ACAD9: variants seen among roughly 807,000 people sequenced by gnomAD.
The protein encoded by ACAD9 is acyl-CoA dehydrogenase family member 9, also known as complex I assembly factor ACAD9, mitochondrial.
ACAD9 carries 53 observed loss-of-function variants against 70.2 expected under a neutral mutation model. The observed-to-expected ratio is 0.75, with a 90% CI of 0.61 to 0.95. The LOEUF (loss-of-function observed/expected upper bound fraction) is 0.95. Ranked by LOEUF, ACAD9 falls within the 40% of genes least tolerant of loss-of-function variation. ACAD9 has a pLI of 0.00. For missense variants in ACAD9, 777 were observed against 802.8 expected (o/e 0.97, Z 0.39); for synonymous variants, 313 against 312.1 (o/e 1.00, Z -0.03).
At position 128,897,709 on chromosome 3, in the gene ACAD9, A is replaced by C. The variant is rs1257611357; in HGVS notation, c.632A>C (p.Lys211Thr). The C allele has an allele frequency of 6.2e-7, 1 of 1,613,134 alleles. No individual in the cohort carries two copies. The highest frequency in any genetic ancestry group is 1.3e-5 in the African/African-American group (1 of 74,904). The change falls in exon 6 of 18, where the codon AAG becomes ACG. Residue 211 changes from lysine to threonine, a missense_variant and splice_region_variant. Coordinates refer to ENST00000308982, the MANE Select transcript of ACAD9 (RefSeq NM_014049.5). The stretch of plus-strand genomic sequence containing the variant: ...AAGCACTACATCCTCAATGGCTCCA[A>C]GGTAGGGTTCCTTCCCCATGGCCAC... The part of the protein sequence containing the change: ...DKKHYILNGS[K>T]VWITNGGLAN...
Position 128,880,120 on chromosome 3 carries a change from C to T in ACAD9, c.150+279C>T, listed in dbSNP as rs1576326223. 2.0e-5 allele frequency: 22 copies of T among 1,105,510 alleles called. No individual in the cohort carries two copies. The East Asian group carries it at 7.0e-4, about 35-fold the overall frequency. The allele number at this position is 1,105,510 out of a possible 1,614,324, so 68.5% of individuals were successfully genotyped here. On this transcript the variant is annotated intron_variant, in intron 1 of 17. Transcript: ENST00000308982. The stretch of plus-strand genomic sequence containing the variant: ...GGAAAACTCTAGGCTAGGTAATTAA[C>T]AAAGCAGCCTTCATCTCAGCTGGTC...
At chr3:128,903,729 C>T (rs548861492) in intron 9 of ACAD9, among the ~76,000 whole-genome samples, 284 of 152,338 alleles carry the variant, frequency 1.9e-3, no homozygotes, top group Non-Finnish European at 3.1e-3. Context: ...CTCCCCCTTC[C>T]ACCTGGTTGC....
intron 3 of ACAD9, among the ~76,000 whole-genome samples, chr3:128,894,156 A>C (rs1391937551): frequency 6.6e-6 from 1 of 152,150 alleles, no homozygotes; most frequent in Non-Finnish European, 1.5e-5. Flanking sequence ...GACCACACAC[A>C]TGTGTGCCAT....
At chr3:128,910,541 T>C (rs1353650914) in intron 16 of ACAD9, among the ~76,000 whole-genome samples, 200 bp from the exon 17 acceptor site, 6 of 152,098 alleles carry the variant, frequency 3.9e-5, no homozygotes, top group South Asian at 2.1e-4. Context: ...GGAAACAGGG[T>C]CAGAGATGTT....
intron 1 of ACAD9, among the ~76,000 whole-genome samples, chr3:128,883,599 G>A (rs1261758297): frequency 6.6e-6 from 1 of 151,768 alleles, no homozygotes; most frequent in Non-Finnish European, 1.5e-5. Flanking sequence ...CTCGTGATCC[G>A]CCCGCCTCGG....
chr3:128,889,093 T>C (rs998819330), intron 2 of ACAD9, among the ~76,000 whole-genome samples: 1 of 152,098 alleles, frequency 6.6e-6, no homozygotes, highest in African/African-American at 2.4e-5. Flanking sequence ...ATACTTACCA[T>C]TGTGTTACAG....
At chr3:128,899,175 G>A (rs1351251321) in intron 6 of ACAD9, 112 bp from the exon 7 acceptor site, 1 of 1,129,456 alleles carries the variant, frequency 8.9e-7, no homozygotes, top group African/African-American at 1.5e-5. Context: ...CAAGGACCCT[G>A]CATGTCTGGC....
rs199739835 is a variant in ACAD9 at position 128,910,088 on chromosome 3, C to T, written c.1631C>T (p.Thr544Met). 6.4e-5 allele frequency: 104 copies of T among 1,613,784 alleles called. No individual in the cohort carries two copies. Among genetic ancestry groups the T allele is most frequent in the Admixed American group, 1.0e-4 (6 of 59,976 alleles). Reference protein sequence around the residue: ...ANILINLYGMTAVLSRASRSI... With the variant: ...ANILINLYGMMAVLSRASRSI... ...ATCCTCATCAACCTGTATGGCATGA[C>T]GGCCGTGCTGTCGCGGGCCAGCCGC... Residue 544 changes from threonine to methionine, a missense_variant, in exon 16 of 18, where the codon ACG becomes ATG. Transcript: ENST00000308982.
At chr3:128,899,553 T>A in intron 7 of ACAD9, 92 bp downstream of exon 7, 1 of 1,333,826 alleles carries the variant, frequency 7.5e-7, no homozygotes. Context: ...TGTGTGTGTG[T>A]GTGTGTGTGT....
In ACAD9 at chr3:128,910,735, T is replaced by C. The variant is rs1936197167; in HGVS notation, c.1693-6T>C. The C allele has an allele frequency of 6.2e-7, 1 of 1,614,124 alleles. No individual in the cohort carries two copies. Among genetic ancestry groups the C allele is most frequent in the African/African-American group, 1.3e-5 (1 of 74,948 alleles). ...GGCATATCTTTTCTGTCCTCGGTTC[T>C]GGCAGGTTCTCTTGGCCAACACCTT... On this transcript the variant is annotated splice_polypyrimidine_tract_variant and splice_region_variant and intron_variant, in intron 16 of 17. Coordinates refer to ENST00000308982, the MANE Select transcript of ACAD9 (RefSeq NM_014049.5).
chr3:128,905,155 A>C (rs1170418476), intron 11 of ACAD9, among the ~76,000 whole-genome samples: 1 of 151,742 alleles, frequency 6.6e-6, no homozygotes, highest in South Asian at 2.1e-4. Context: ...TCTCAAAAAA[A>C]AACAAAAAAC....
intron 2 of ACAD9, among the ~76,000 whole-genome samples, chr3:128,890,089 G>C (rs1457337005): frequency 6.6e-6 from 1 of 152,086 alleles, no homozygotes; most frequent in Non-Finnish European, 1.5e-5. Flanking sequence ...GCCTCTTAAA[G>C]TGTTGGGATT....
In ACAD9 at chr3:128,902,649, G is replaced by C; in HGVS notation, c.958+21G>C. On this transcript the variant is annotated intron_variant, in intron 9 of 17. Coordinates refer to ENST00000308982, the MANE Select transcript of ACAD9 (RefSeq NM_014049.5). This position sits in a 1 kb window ranked among gnomAD's most constrained non-coding sequence, Gnocchi z 4.0. ...GATTGGTAGGTAAGTTAGGGACAAG[G>C]CCCTTTGTGCCCCACCCCCTGCTGC... The C allele has an allele frequency of 6.2e-7, 1 of 1,613,230 alleles. No individual in the cohort carries two copies. Among genetic ancestry groups the C allele is most frequent in the Non-Finnish European group, 8.5e-7 (1 of 1,179,218 alleles).
At chr3:128,899,523 G>GGGGTGT (rs762953417) in intron 7 of ACAD9, 62 bp downstream of exon 7, 215 of 1,068,802 alleles carry the variant, frequency 2.0e-4, no homozygotes, top group African/African-American at 5.3e-4. Flanking sequence ...GGCCTTTGAC[G>GGGGTGT]GTGTGTGTGT....
intron 17 of ACAD9, among the ~76,000 whole-genome samples, chr3:128,911,594 T>C (rs920680247): frequency 2.6e-5 from 4 of 151,884 alleles, no homozygotes; most frequent in South Asian, 2.1e-4. Flanking sequence ...CGCACCACCA[T>C]GCCCAGCTAA....
chr3:128,887,012 A>G (rs530846597), intron 2 of ACAD9, among the ~76,000 whole-genome samples: 3 of 151,970 alleles, frequency 2.0e-5, no homozygotes, highest in East Asian at 3.9e-4. Context: ...GCTCACTGCA[A>G]CCTCTGCAGT....
At chr3:128,907,628 C>T (rs981020877) in intron 12 of ACAD9, among the ~76,000 whole-genome samples, 2 of 152,172 alleles carry the variant, frequency 1.3e-5, no homozygotes, top group Non-Finnish European at 2.9e-5. Context: ...TAGCCTGGGT[C>T]AGGCCCCTGC....
chr3:128,906,612 G>T (rs983416611), intron 12 of ACAD9, among the ~76,000 whole-genome samples: 2 of 152,184 alleles, frequency 1.3e-5, no homozygotes, highest in Non-Finnish European at 2.9e-5. Flanking sequence ...ATGCGCTCCT[G>T]GCCCCTAGGG....
At chr3:128,900,515 G>A (rs148551394) in intron 7 of ACAD9, among the ~76,000 whole-genome samples, 7,046 of 149,480 alleles carry the variant, frequency 0.047, 345 homozygotes, top group African/African-American at 0.12. Flanking sequence ...GTGAGCCACC[G>A]CACCCGGCCT....
Sources: allele counts gnomAD v4.1 joint callset (sites outside exome capture counted in the v4.1 genomes callset), GRCh38; gene constraint gnomAD v4.1.1; non-coding constraint Gnocchi (gnomAD v3.1); transcripts MANE v1.5; gene names NCBI Gene and HGNC (gene_info 2026-07-23, HGNC 2026-07-21).